PCCA: variants seen among roughly 807,000 people sequenced by gnomAD.
PCCA encodes the protein propionyl-CoA carboxylase subunit alpha.
A neutral mutation model predicts 101.3 loss-of-function variants in PCCA; 74 were observed. The observed-to-expected ratio is 0.73, with a 90% confidence interval of 0.61 to 0.89. The LOEUF is 0.89. PCCA is among the 40% of genes least tolerant of loss of function. The pLI, the probability that PCCA is intolerant of heterozygous loss-of-function variation, is 0.00. For synonymous variants in PCCA, 294 were observed against 313.6 expected (o/e 0.94, Z 0.66); for missense variants, 891 against 907.0 (o/e 0.98, Z 0.23).
At chr13:100,479,213 A>T (rs539221073) in intron 21 of PCCA, among the ~76,000 whole-genome samples, 11 of 152,334 alleles carry the variant, frequency 7.2e-5, no homozygotes, top group African/African-American at 2.6e-4. Context: ...ATAAAAACCA[A>T]AATGAAAGCC....
chr13:100,298,088 A>C (rs779265832), intron 12 of PCCA, among the ~76,000 whole-genome samples: 1 of 151,650 alleles, frequency 6.6e-6, no homozygotes. Flanking sequence ...TGGATCCCTG[A>C]TTTGTGTGCT....
intron 4 of PCCA, among the ~76,000 whole-genome samples, chr13:100,119,278 G>T (rs994527992): frequency 4.6e-5 from 7 of 151,886 alleles, no homozygotes; most frequent in African/African-American, 1.5e-4. Context: ...AAGTTTGTGG[G>T]TGTTTATTTC....
intron 4 of PCCA, among the ~76,000 whole-genome samples, chr13:100,133,241 T>C (rs571305647): frequency 6.6e-6 from 1 of 152,336 alleles, no homozygotes; most frequent in East Asian, 1.9e-4. Flanking sequence ...ATTCATTTGT[T>C]TGTTTGTTTT....
At chr13:100,373,815 T>TA (rs1160614684) in intron 19 of PCCA, among the ~76,000 whole-genome samples, 1 of 151,992 alleles carries the variant, frequency 6.6e-6, no homozygotes, top group African/African-American at 2.4e-5. Flanking sequence ...ATGAAAAACT[T>TA]AAAAGGAGGG....
At chr13:100,106,433 C>G (rs2047799879) in intron 2 of PCCA, among the ~76,000 whole-genome samples, 1 of 152,016 alleles carries the variant, frequency 6.6e-6, no homozygotes, top group Non-Finnish European at 1.5e-5. Flanking sequence ...ATTTTTGAGA[C>G]AGAGTCTCGC....
At chr13:100,435,149 C>T (rs747440899) in intron 20 of PCCA, among the ~76,000 whole-genome samples, 19 of 152,204 alleles carry the variant, frequency 1.2e-4, no homozygotes, top group Non-Finnish European at 2.4e-4. Context: ...GCTCATGGTT[C>T]TGCCAGCTGT....
At chr13:100,332,544 A>G (rs1361145706) in intron 17 of PCCA, among the ~76,000 whole-genome samples, 1 of 152,176 alleles carries the variant, frequency 6.6e-6, no homozygotes, top group Non-Finnish European at 1.5e-5. Context: ...ATTTATATAT[A>G]AGTTTGTCTA....
intron 1 of PCCA, among the ~76,000 whole-genome samples, chr13:100,090,598 T>G (rs757528271): frequency 2.0e-5 from 3 of 152,170 alleles, no homozygotes; most frequent in Admixed American, 6.5e-5. Context: ...GGTTTCTGCT[T>G]TCTTAGAAAT....
intron 12 of PCCA, among the ~76,000 whole-genome samples, chr13:100,299,579 A>G (rs1305465230): frequency 1.3e-5 from 2 of 152,210 alleles, no homozygotes; most frequent in Admixed American, 6.5e-5. Flanking sequence ...TTTGCCTTGT[A>G]TATAGTATGT....
intron 20 of PCCA, among the ~76,000 whole-genome samples, chr13:100,443,332 G>T (rs931047957): frequency 1.3e-5 from 2 of 152,010 alleles, no homozygotes; most frequent in East Asian, 3.9e-4. Flanking sequence ...GTGCATGCCT[G>T]TGGGTCCAGC....
chr13:100,104,813 C>G (rs1487331351), intron 2 of PCCA, among the ~76,000 whole-genome samples: 1 of 152,150 alleles, frequency 6.6e-6, no homozygotes, highest in Non-Finnish European at 1.5e-5. Context: ...AAGCAATTCT[C>G]TTGCCTCAGC....
intron 1 of PCCA, among the ~76,000 whole-genome samples, chr13:100,090,118 A>G (rs935035394): frequency 6.6e-6 from 1 of 152,252 alleles, no homozygotes; most frequent in Admixed American, 6.5e-5. Flanking sequence ...AATAATTATT[A>G]AAACATTGCC....
intron 6 of PCCA, among the ~76,000 whole-genome samples, chr13:100,179,803 T>C (rs1031146456): frequency 4.6e-5 from 7 of 151,976 alleles, no homozygotes; most frequent in Admixed American, 3.9e-4. Context: ...GCCAAGAAGG[T>C]TGTGACATTT....
rs1222415565 is a variant in PCCA, at chr13:100,458,423, GCACACACACACACACATA to G, written c.1899+9135_1899+9152del. Among the ~76,000 whole-genome samples, 60 of 89,682 alleles carry G rather than the reference GCACACACACACACACATA, an allele frequency of 6.7e-4. 1 individual carries two copies. The highest frequency in any genetic ancestry group is 3.8e-3 in the East Asian group (12 of 3,180). The allele number at this position is 89,682 out of a possible 152,430, so 58.8% of individuals were successfully genotyped here. Reference sequence around the variant, plus strand: ...ACACAGTGGGACCCCATCTCTGCGCGCACACACACACACACATACACACACACACACACACACACACAC... The same window carrying G: ...ACACAGTGGGACCCCATCTCTGCGCGCACACACACACACACACACACACAC... On this transcript the variant is annotated intron_variant, in intron 21 of 23. Coordinates refer to ENST00000376285, the MANE Select transcript of PCCA (RefSeq NM_000282.4).
chr13:100,288,270 G>A (rs1041728426), intron 12 of PCCA, among the ~76,000 whole-genome samples: 6 of 151,994 alleles, frequency 3.9e-5, no homozygotes, highest in African/African-American at 1.5e-4. Flanking sequence ...CTGATGAGCC[G>A]TTATCGATGC....
At position 100,394,909 on chromosome 13, in the gene PCCA, C is replaced by G. The variant is rs895134334; in HGVS notation, c.1746+26335C>G. On this transcript the variant is annotated intron_variant, in intron 19 of 23. Transcript: ENST00000376285. The surrounding 1 kb of genome is among the most constrained non-coding windows in gnomAD (Gnocchi z 4.3). ...TCCAGGGTCTGACGTGCTCCATCAT[C>G]AAGGCAGCTTTTATCTTCTGTGTCC... Among the ~76,000 whole-genome samples the G allele has an allele frequency of 2.0e-5, 3 of 152,148 alleles. No individual in the cohort carries two copies. The highest frequency in any genetic ancestry group is 4.4e-5 in the Non-Finnish European group (3 of 68,034).
intron 12 of PCCA, 71 bp from the exon 13 acceptor site, chr13:100,301,389 G>C: frequency 6.4e-7 from 1 of 1,567,334 alleles, no homozygotes; most frequent in Non-Finnish European, 8.8e-7. Context: ...AAACTTTTGT[G>C]ATTTTTCTTG....
chr13:100,388,561 C>T (rs536839824), intron 19 of PCCA, among the ~76,000 whole-genome samples: 61 of 152,214 alleles, frequency 4.0e-4, no homozygotes, highest in African/African-American at 1.4e-3. Flanking sequence ...TTTGGGAGGC[C>T]GAGGTGGGCA....
intron 20 of PCCA, among the ~76,000 whole-genome samples, chr13:100,427,299 G>A (rs1366460678): frequency 2.0e-5 from 3 of 152,174 alleles, no homozygotes; most frequent in African/African-American, 4.8e-5. Context: ...ACAGTGCATC[G>A]AATATGTTAT....
Sources: gnomAD v4.1 joint callset for allele counts (sites outside exome capture counted in the v4.1 genomes callset) on GRCh38, gnomAD v4.1.1 for gene constraint, Gnocchi (gnomAD v3.1) non-coding constraint, MANE v1.5 for transcripts, NCBI Gene and HGNC (gene_info 2026-07-23, HGNC 2026-07-21) for gene names.